TMEM87B: variants seen among roughly 807,000 people sequenced by gnomAD.
TMEM87B encodes the protein transmembrane protein 87B.
TMEM87B carries 83 observed loss-of-function variants against 80.3 expected under a neutral mutation model. That is an observed-to-expected ratio of 1.03 (90% CI 0.87 to 1.24). The LOEUF is 1.24. Among genes scored for constraint, TMEM87B ranks in the 50% most tolerant of loss-of-function variants. TMEM87B has a pLI of 0.00. For synonymous variants in TMEM87B, 219 were observed against 230.5 expected, an observed-to-expected ratio of 0.95 and a Z score of 0.45; for missense variants, 625 against 674.4, an observed-to-expected ratio of 0.93 and a Z score of 0.81.
intron 5 of TMEM87B, among the ~76,000 whole-genome samples, chr2:112,075,686 G>A (rs895197060): frequency 2.0e-5 from 3 of 152,158 alleles, no homozygotes; most frequent in Non-Finnish European, 4.4e-5. Context: ...CGAAAGGGAT[G>A]GGAGTTATGT....
At chr2:112,059,130 A>G (rs1678167890) in intron 1 of TMEM87B, among the ~76,000 whole-genome samples, 3 of 152,178 alleles carry the variant, frequency 2.0e-5, no homozygotes, top group Non-Finnish European at 4.4e-5. Flanking sequence ...AGAGGTTACC[A>G]CTTGTCCTAT....
At chr2:112,058,105 G>A (rs1225695941) in intron 1 of TMEM87B, among the ~76,000 whole-genome samples, 1 of 152,208 alleles carries the variant, frequency 6.6e-6, no homozygotes, top group Non-Finnish European at 1.5e-5. Flanking sequence ...GGGATTACGG[G>A]CGTGAGCCAC....
In TMEM87B at chr2:112,100,431, G is replaced by A. The variant is rs111588587; in HGVS notation, c.1377-191G>A. ...ACTTATGCTTTTACAAACAGGGTTTGAGAGCTCCAGTTTCACAATTTCTTA... is the reference window on the plus strand; with the variant it reads ...ACTTATGCTTTTACAAACAGGGTTTAAGAGCTCCAGTTTCACAATTTCTTA... On this transcript the variant is annotated intron_variant, in intron 14 of 18. Transcript: ENST00000283206. Among the ~76,000 whole-genome samples the A allele has an allele frequency of 3.2e-3, 493 of 152,300 alleles. 3 individuals are homozygous for A. The highest frequency in any genetic ancestry group is 0.011 in the African/African-American group (468 of 41,570).
intron 4 of TMEM87B, among the ~76,000 whole-genome samples, chr2:112,068,214 C>G (rs1173649968): frequency 1.3e-5 from 2 of 151,978 alleles, no homozygotes; most frequent in Admixed American, 6.6e-5. Context: ...GACTCCGTCT[C>G]AAAAAACAAA....
chr2:112,095,235 A>ATT (rs1278453630), intron 11 of TMEM87B: 1 of 653,734 alleles, frequency 1.5e-6, no homozygotes, highest in Non-Finnish European at 1.8e-6. Context: ...CAGGTGAGTG[A>ATT]TTCTGATCTT....
At chr2:112,057,044 T>C (rs7567842) in intron 1 of TMEM87B, among the ~76,000 whole-genome samples, 34,199 of 152,176 alleles carry the variant, frequency 0.22, 4,556 homozygotes, top group East Asian at 0.7. Context: ...CCTGCAAAGA[T>C]CTTTGCCAAG....
At chr2:112,070,261 A>G (rs1469439681) in intron 4 of TMEM87B, among the ~76,000 whole-genome samples, 5 of 152,186 alleles carry the variant, frequency 3.3e-5, no homozygotes, top group African/African-American at 1.2e-4. Context: ...TCCTATGTCC[A>G]GAATGGTATG....
At chr2:112,111,610 A>G (rs567521513) in intron 17 of TMEM87B, among the ~76,000 whole-genome samples, 1 of 152,300 alleles carries the variant, frequency 6.6e-6, no homozygotes, top group South Asian at 2.1e-4. Context: ...GTAGCCCAAT[A>G]CTATCCAAAA....
Position 112,091,408 on chromosome 2 carries a change from C to T in TMEM87B, c.1033-304C>T, listed in dbSNP as rs780286227. Among the ~76,000 whole-genome samples, 9 of 152,028 alleles carry T rather than the reference C, an allele frequency of 5.9e-5. 1 individual carries two copies. Among genetic ancestry groups the T allele is most frequent in the African/African-American group, 1.7e-4 (7 of 41,372 alleles). ...TCGTTTCATTAATAGCCCTGGCTGT[C>T]GGTTTGGTATGGAGGAGAGAGATTG... is the stretch of plus-strand genomic sequence containing the variant. On this transcript the variant is annotated intron_variant, in intron 10 of 18. Coordinates refer to ENST00000283206, the MANE Select transcript of TMEM87B (RefSeq NM_032824.3).
chr2:112,066,787 A>T, intron 3 of TMEM87B, 149 bp from the exon 4 acceptor site: 1 of 705,078 alleles, frequency 1.4e-6, no homozygotes. Flanking sequence ...TATTCGAAAC[A>T]GTTTTTATTT....
chr2:112,095,265 C>T, intron 11 of TMEM87B: 2 of 961,726 alleles, frequency 2.1e-6, no homozygotes, highest in Non-Finnish European at 2.4e-6. Flanking sequence ...GCCAGCCTCC[C>T]CCTCTCTCTC....
At chr2:112,064,037 T>A in intron 2 of TMEM87B, 125 bp from the exon 3 acceptor site, 1 of 718,978 alleles carries the variant, frequency 1.4e-6, no homozygotes, top group Admixed American at 2.9e-5. Flanking sequence ...TTTGGAGAAA[T>A]TAGCTAATGT....
chr2:112,067,286 T>G (rs1420036882), intron 4 of TMEM87B, among the ~76,000 whole-genome samples: 1 of 152,144 alleles, frequency 6.6e-6, no homozygotes, highest in African/African-American at 2.4e-5. Context: ...TAGGTTTAGT[T>G]TGTTTGTGTG....
At chr2:112,112,727 G>A (rs1679951867) in intron 17 of TMEM87B, among the ~76,000 whole-genome samples, 172 bp from the exon 18 acceptor site, 1 of 152,188 alleles carries the variant, frequency 6.6e-6, no homozygotes, top group Admixed American at 6.5e-5. Context: ...GAACAGCACT[G>A]CTGCGAAAAC....
intron 2 of TMEM87B, among the ~76,000 whole-genome samples, chr2:112,061,342 C>T (rs1360535395): frequency 6.6e-6 from 1 of 152,196 alleles, no homozygotes; most frequent in Non-Finnish European, 1.5e-5. Context: ...AAACTGGCTT[C>T]TACAGGATCC....
chr2:112,067,212 A>C (rs1349747391), intron 4 of TMEM87B, 145 bp downstream of exon 4: 1 of 1,087,632 alleles, frequency 9.2e-7, no homozygotes, highest in Non-Finnish European at 1.3e-6. Flanking sequence ...CCCACTGAAT[A>C]CAAGTATCAA....
Position 112,055,439 on chromosome 2 carries a change from C to A in TMEM87B, c.-153C>A. ...GGCCGGGTTTCCCAGAACTGCACGGCGCCTCTCCGCCCAGGCCCAAGCGCG... is the reference window on the plus strand; with the variant it reads ...GGCCGGGTTTCCCAGAACTGCACGGAGCCTCTCCGCCCAGGCCCAAGCGCG... On this transcript the variant is annotated 5_prime_UTR_variant, in exon 1 of 19. Coordinates refer to ENST00000283206, the MANE Select transcript of TMEM87B (RefSeq NM_032824.3). The A allele has an allele frequency of 2.3e-6, 2 of 866,796 alleles. No homozygotes were observed. The highest frequency in any genetic ancestry group is 1.6e-6 in the Non-Finnish European group (1 of 610,066). The allele number at this position is 866,796 out of a possible 1,614,324, so 53.7% of individuals were successfully genotyped here.
intron 4 of TMEM87B, among the ~76,000 whole-genome samples, chr2:112,071,112 C>G (rs921236733): frequency 6.6e-6 from 1 of 152,126 alleles, no homozygotes; most frequent in Non-Finnish European, 1.5e-5. Context: ...GCATGAGCCA[C>G]TGCGCCCGGC....
chr2:112,109,449 G>T (rs1484447127), intron 17 of TMEM87B, among the ~76,000 whole-genome samples: 1 of 151,956 alleles, frequency 6.6e-6, no homozygotes, highest in Non-Finnish European at 1.5e-5. Flanking sequence ...TTAAAGGATA[G>T]TTTTGCTGGA....
Sources: gnomAD v4.1 joint callset for allele counts (sites outside exome capture counted in the v4.1 genomes callset) on GRCh38, gnomAD v4.1.1 for gene constraint, MANE v1.5 for transcripts, NCBI Gene and HGNC (gene_info 2026-07-23, HGNC 2026-07-21) for gene names.